The following RAP1GDS1 variants were observed in gnomAD, a reference collection of about 807,000 sequenced individuals.
The protein encoded by RAP1GDS1 is Rap1 GTPase-GDP dissociation stimulator 1.
In RAP1GDS1, 35 loss-of-function variants were observed where a neutral mutation model predicts 71.1. The observed-to-expected ratio is 0.49, with a 90% CI of 0.38 to 0.65. The LOEUF (loss-of-function observed/expected upper bound fraction) is 0.65. RAP1GDS1 is among the 30% of genes least tolerant of loss of function. RAP1GDS1 has a pLI of 0.00. For missense variants in RAP1GDS1, 663 were observed against 706.1 expected (o/e 0.94, Z 0.69); for synonymous variants, 229 against 243.1 (o/e 0.94, Z 0.54).
At chr4:98,374,634 G>A (rs766387061) in intron 4 of RAP1GDS1, among the ~76,000 whole-genome samples, 7 of 152,152 alleles carry the variant, frequency 4.6e-5, no homozygotes, top group Non-Finnish European at 1.0e-4. Flanking sequence ...TAGGGTGTTC[G>A]CATAGGGTAG....
At chr4:98,349,809 A>G (rs1488410597) in intron 3 of RAP1GDS1, among the ~76,000 whole-genome samples, 1 of 150,426 alleles carries the variant, frequency 6.6e-6, no homozygotes, top group Non-Finnish European at 1.5e-5. Context: ...ATTTTTGCAC[A>G]TTTTAAACAG....
At chr4:98,311,712 C>T (rs1025651783) in intron 2 of RAP1GDS1, among the ~76,000 whole-genome samples, 5 of 152,318 alleles carry the variant, frequency 3.3e-5, no homozygotes, top group East Asian at 3.9e-4. Context: ...TCCATGCTCA[C>T]GGCAGCGTTG....
intron 1 of RAP1GDS1, among the ~76,000 whole-genome samples, chr4:98,272,937 C>T (rs1723693132): frequency 6.6e-6 from 1 of 152,180 alleles, no homozygotes; most frequent in African/African-American, 2.4e-5. Flanking sequence ...AAGGCACCCA[C>T]CTATCGAGCT....
chr4:98,327,612 G>C (rs962746832), intron 2 of RAP1GDS1, among the ~76,000 whole-genome samples: 1 of 152,214 alleles, frequency 6.6e-6, no homozygotes. Context: ...GATTTCAACA[G>C]CTTTAATTTT....
intron 2 of RAP1GDS1, among the ~76,000 whole-genome samples, chr4:98,326,819 T>G (rs922709042): frequency 6.6e-6 from 1 of 152,204 alleles, no homozygotes. Context: ...TTTGGTCTCT[T>G]TTTCTTTTTT....
intron 4 of RAP1GDS1, among the ~76,000 whole-genome samples, chr4:98,370,723 A>G (rs1740251495): frequency 6.6e-6 from 1 of 152,030 alleles, no homozygotes; most frequent in Admixed American, 6.5e-5. Flanking sequence ...GGCGCGTGCC[A>G]ACACACCTGG....
At chr4:98,413,949 T>A (rs1747499318) in intron 7 of RAP1GDS1, among the ~76,000 whole-genome samples, 1 of 152,204 alleles carries the variant, frequency 6.6e-6, no homozygotes, top group South Asian at 2.1e-4. Flanking sequence ...TGGTTTTGAT[T>A]TGCATTTCTC....
At position 98,278,734 on chromosome 4, in the gene RAP1GDS1, T is replaced by TG. The variant is rs576108924; in HGVS notation, c.5-14668dup. ...CAGAATAGATTCCAAATGAAGGAAA[T>TG]GGGGGGCCTATTTTATAAGGAAATA... On this transcript the variant is annotated intron_variant, in intron 1 of 14. Transcript: ENST00000408927. Among the ~76,000 whole-genome samples the TG allele has an allele frequency of 3.8e-3, 579 of 152,186 alleles. 6 individuals are homozygous for TG. The highest frequency in any genetic ancestry group is 0.013 in the African/African-American group (553 of 41,522).
chr4:98,352,588 A>G lies in RAP1GDS1; in HGVS notation c.348A>G (p.Ile116Met), dbSNP rs766448980. The change falls in exon 4 of 15, where the codon ATA becomes ATG. Residue 116 changes from isoleucine to methionine, a missense_variant. Coordinates refer to ENST00000408927, the MANE Select transcript of RAP1GDS1 (RefSeq NM_001100427.2). ...LLQTGRALGN[I>M]CYDSHEGRSA... ...AAACGGGCAGGGCTCTAGGAAACATATGTTACGATAGCCGTAAGTGTTGAC... is the reference window on the plus strand; with the variant it reads ...AAACGGGCAGGGCTCTAGGAAACATGTGTTACGATAGCCGTAAGTGTTGAC... 1 of 1,613,848 alleles carries G rather than the reference A, an allele frequency of 6.2e-7. No homozygotes were observed. The highest frequency in any genetic ancestry group is 8.5e-7 in the Non-Finnish European group (1 of 1,179,886).
At chr4:98,387,280 ATCT>A (rs1205945637) in intron 5 of RAP1GDS1, among the ~76,000 whole-genome samples, 7 of 152,324 alleles carry the variant, frequency 4.6e-5, no homozygotes, top group African/African-American at 1.7e-4. Context: ...ACCTGTTATA[ATCT>A]TCTTAACAAA....
chr4:98,282,100 G>A (rs1415827560), intron 1 of RAP1GDS1, among the ~76,000 whole-genome samples: 1 of 152,128 alleles, frequency 6.6e-6, no homozygotes, highest in East Asian at 1.9e-4. Flanking sequence ...TCAGGCTTTG[G>A]TATCAGGATG....
intron 3 of RAP1GDS1, among the ~76,000 whole-genome samples, chr4:98,350,204 T>C (rs923559758): frequency 2.9e-4 from 44 of 152,218 alleles, no homozygotes; most frequent in Non-Finnish European, 1.3e-4. Flanking sequence ...AATTCTTCAA[T>C]GTTGCCATTG....
chr4:98,387,278 T>A (rs994239508), intron 5 of RAP1GDS1, among the ~76,000 whole-genome samples: 4 of 152,354 alleles, frequency 2.6e-5, no homozygotes, highest in Non-Finnish European at 4.4e-5. Flanking sequence ...AAACCTGTTA[T>A]AATCTTCTTA....
At chr4:98,441,810 A>T (rs1751906734) in intron 14 of RAP1GDS1, 180 bp from the exon 15 acceptor site, 1 of 561,966 alleles carries the variant, frequency 1.8e-6, no homozygotes, top group Non-Finnish European at 2.3e-6. Context: ...AGTTTTTATG[A>T]TTTTTTTAAA....
chr4:98,396,113 CACTT>C (rs1578723859), intron 6 of RAP1GDS1: 1 of 151,980 alleles, frequency 6.6e-6, no homozygotes, highest in East Asian at 1.9e-4. Context: ...TGAACTAACT[CACTT>C]ATCACCAAGG....
chr4:98,375,962 TC>T (rs1458323083), intron 4 of RAP1GDS1, among the ~76,000 whole-genome samples: 1 of 152,038 alleles, frequency 6.6e-6, no homozygotes, highest in African/African-American at 2.4e-5. Flanking sequence ...ATTTTTTTTT[TC>T]TCATTTGTGA....
At chr4:98,334,559 A>G (rs955229756) in intron 2 of RAP1GDS1, among the ~76,000 whole-genome samples, 2 of 152,166 alleles carry the variant, frequency 1.3e-5, no homozygotes, top group African/African-American at 4.8e-5. Context: ...CCCGCATGGC[A>G]GAAAAAGGAA....
At chr4:98,402,484 C>T (rs1398082162) in intron 6 of RAP1GDS1, among the ~76,000 whole-genome samples, 3 of 151,672 alleles carry the variant, frequency 2.0e-5, no homozygotes, top group African/African-American at 7.3e-5. Flanking sequence ...TACTTTTTTT[C>T]CCCCTTGGCA....
chr4:98,414,777 A>G (rs1012249067), intron 7 of RAP1GDS1, among the ~76,000 whole-genome samples: 1 of 151,914 alleles, frequency 6.6e-6, no homozygotes, highest in Non-Finnish European at 1.5e-5. Flanking sequence ...CTTTATGGGG[A>G]TGGCATTGAA....
Sources: gnomAD v4.1 joint callset for allele counts (sites outside exome capture counted in the v4.1 genomes callset) on GRCh38, gnomAD v4.1.1 for gene constraint, MANE v1.5 for transcripts, NCBI Gene and HGNC (gene_info 2026-07-23, HGNC 2026-07-21) for gene names.